Variants in ASB4 observed in about 807,000 individuals in gnomAD.
The protein encoded by ASB4 is ankyrin repeat and SOCS box protein 4.
Under a neutral mutation model 38.6 loss-of-function variants are expected in ASB4, and 35 were observed. The observed-to-expected ratio is 0.91, with a 90% CI of 0.69 to 1.20. The LOEUF (loss-of-function observed/expected upper bound fraction) is 1.20, where lower values mean the gene tolerates loss of function less well. Ranked by LOEUF, ASB4 falls within the 50% of genes most tolerant of loss-of-function variation. The pLI is 0.00. For missense variants in ASB4, 557 were observed against 527.2 expected (o/e 1.06, Z -0.55); for synonymous variants, 195 against 201.3 (o/e 0.97, Z 0.26).
the ASB4 span, among the ~76,000 whole-genome samples, chr7:95,549,301 A>ATTTTTTTTTTTTTTTTTTTTT: frequency 7.6e-4 from 87 of 114,820 alleles, 7 homozygotes; most frequent in African/African-American, 2.7e-3. Flanking sequence ...AGGAGACTCC[A>ATTTTTTTTTTTTTTTTTTTTT]TTTTTTTTTT....
At chr7:95,483,292 C>G (rs925586601), upstream of ASB4, among the ~76,000 whole-genome samples, 8 of 152,200 alleles carry the variant, frequency 5.3e-5, no homozygotes, top group African/African-American at 1.9e-4. Context: ...TCTGGCCATA[C>G]TGGTAATTTA....
intron 2 of ASB4, among the ~76,000 whole-genome samples, chr7:95,513,340 CA>C (rs749548066): frequency 8.6e-4 from 76 of 88,676 alleles, no homozygotes; most frequent in Non-Finnish European, 1.3e-3. Context: ...TGTTCAGAGA[CA>C]GGGAATGGAA....
At chr7:95,495,453 C>A (rs1284963750) in intron 1 of ASB4, among the ~76,000 whole-genome samples, 1 of 152,024 alleles carries the variant, frequency 6.6e-6, no homozygotes, top group Non-Finnish European at 1.5e-5. Context: ...ATGAAGATCC[C>A]AAACTTAAAT....
At chr7:95,518,727 C>T (rs1310932357) in intron 2 of ASB4, among the ~76,000 whole-genome samples, 1 of 152,220 alleles carries the variant, frequency 6.6e-6, no homozygotes, top group Non-Finnish European at 1.5e-5. Context: ...AGGGATTCCA[C>T]TGCAGGAACG....
At chr7:95,513,944 C>T (rs182654296) in intron 2 of ASB4, among the ~76,000 whole-genome samples, 1 of 152,318 alleles carries the variant, frequency 6.6e-6, no homozygotes, top group African/African-American at 2.4e-5. Context: ...GATTTCGATG[C>T]TGGCATAAAT....
At chr7:95,479,455 T>C (rs1248053139) in intron 1 of ASB4, among the ~76,000 whole-genome samples, 1 of 152,226 alleles carries the variant, frequency 6.6e-6, no homozygotes, top group Non-Finnish European at 1.5e-5. Context: ...ATCTGTATTG[T>C]TATAAAAGTA....
chr7:95,524,729 G>C (rs1562820140), intron 2 of ASB4, among the ~76,000 whole-genome samples: 1 of 152,136 alleles, frequency 6.6e-6, no homozygotes, highest in Non-Finnish European at 1.5e-5. Context: ...AGTATGACTG[G>C]TGTTCTTATA....
At chr7:95,528,780 A>AAT in intron 3 of ASB4, 1 of 787,248 alleles carries the variant, frequency 1.3e-6, no homozygotes, top group Non-Finnish European at 1.5e-6. Flanking sequence ...ATGTATAATA[A>AAT]ATAAGCACAC....
chr7:95,478,886 G>C (rs1333512970), intron 1 of ASB4, among the ~76,000 whole-genome samples: 2 of 152,112 alleles, frequency 1.3e-5, no homozygotes, highest in African/African-American at 4.8e-5. Context: ...GAATGAATAC[G>C]CCGAACTTTA....
chr7:95,537,634 C>A lies in ASB4; in HGVS notation c.1156C>A (p.His386Asn), dbSNP rs145977927. ...CTGTAACTCTCCAAGGACTCTCATG[C>A]ACTTATCGAGATGTGCCATTAGAAG... The part of the protein sequence containing the change: ...VCCNSPRTLM[H>N]LSRCAIRRTL... The change falls in exon 5 of 5, where the codon CAC becomes AAC. Residue 386 changes from histidine to asparagine, a missense_variant. His to Asn is a moderately conservative substitution (Grantham distance 68). Transcript: ENST00000325885. 4 of 1,613,758 alleles carry A rather than the reference C, an allele frequency of 2.5e-6. No individual in the cohort carries two copies. The highest frequency in any genetic ancestry group is 1.7e-6 in the Non-Finnish European group (2 of 1,179,732).
chr7:95,542,083 AC>A (rs1457179395), downstream of ASB4: 5 of 145,138 alleles, frequency 3.4e-5, no homozygotes, highest in East Asian at 1.9e-4. Flanking sequence ...AACAAAAAAA[AC>A]AAAAAAAAAA....
At chr7:95,483,574 T>A (rs1790041671), upstream of ASB4, among the ~76,000 whole-genome samples, 2 of 152,228 alleles carry the variant, frequency 1.3e-5, no homozygotes, top group African/African-American at 4.8e-5. Context: ...TCAGATCAAA[T>A]GATTAGATAT....
At chr7:95,500,011 G>GGGAA (rs1790311727) in intron 2 of ASB4, among the ~76,000 whole-genome samples, 1 of 151,224 alleles carries the variant, frequency 6.6e-6, no homozygotes, top group Non-Finnish European at 1.5e-5. Context: ...GTAGCTGGGA[G>GGGAA]CATCCTCATT....
intron 1 of ASB4, among the ~76,000 whole-genome samples, chr7:95,491,175 T>A (rs1288614209): frequency 6.6e-6 from 1 of 152,242 alleles, no homozygotes; most frequent in African/African-American, 2.4e-5. Context: ...TTATGTATCA[T>A]GGTCAAAGCC....
At chr7:95,530,436 C>T (rs1790804952) in intron 3 of ASB4, among the ~76,000 whole-genome samples, 1 of 152,008 alleles carries the variant, frequency 6.6e-6, no homozygotes, top group Non-Finnish European at 1.5e-5. Context: ...CTGCACTTCA[C>T]CCTGGGTGAC....
chr7:95,528,773 T>C, intron 3 of ASB4: 38 of 799,132 alleles, frequency 4.8e-5, no homozygotes, highest in Non-Finnish European at 5.8e-5. Flanking sequence ...ATTTATTATG[T>C]ATAATAAATA....
intron 1 of ASB4, among the ~76,000 whole-genome samples, chr7:95,493,309 G>C (rs1019612481): frequency 6.6e-6 from 1 of 152,100 alleles, no homozygotes. Context: ...AGGTGGGAGA[G>C]AGAGAAAGCA....
intron 2 of ASB4, among the ~76,000 whole-genome samples, chr7:95,522,588 G>A (rs937748545): frequency 6.6e-6 from 1 of 151,816 alleles, no homozygotes; most frequent in Non-Finnish European, 1.5e-5. Context: ...GGCTTACACT[G>A]CAGCATAGGA....
intron 1 of ASB4, among the ~76,000 whole-genome samples, chr7:95,480,482 ATATGACTTCCTAGGT>A (rs771627518): frequency 5.3e-5 from 8 of 152,206 alleles, no homozygotes; most frequent in Non-Finnish European, 1.0e-4. Context: ...AAACAGTGGT[ATATGACTTCCTAGGT>A]TAGGTCACAA....
Sources: gnomAD v4.1 joint callset for allele counts (sites outside exome capture counted in the v4.1 genomes callset) on GRCh38, gnomAD v4.1.1 for gene constraint, MANE v1.5 for transcripts, NCBI Gene and HGNC (gene_info 2026-07-23, HGNC 2026-07-21) for gene names.